ADGRF5: variants seen among roughly 807,000 people sequenced by gnomAD.
ADGRF5 encodes G-protein coupled receptor 116.
Under a neutral mutation model 132.3 loss-of-function variants are expected in ADGRF5, and 75 were observed. The observed-to-expected ratio is 0.57, with a 90% confidence interval of 0.47 to 0.69. The LOEUF (loss-of-function observed/expected upper bound fraction) is 0.69. Ranked by LOEUF, ADGRF5 falls within the 30% of genes least tolerant of loss-of-function variation. ADGRF5 has a pLI of 0.00. For missense variants in ADGRF5, 1,516 were observed against 1,630.6 expected (o/e 0.93, Z 1.21); for synonymous variants, 629 against 597.6 (o/e 1.05, Z -0.77).
rs1768716402 is a variant in ADGRF5 at position 46,853,600 on chromosome 6, GA to G, written c.*391del. ...TCCTTTCTTCCTTCCTTCCTTCTTA[GA>G]ATTCACTGAAGTATTTCCTAGGTAG... is the stretch of plus-strand genomic sequence containing the variant. On this transcript the variant is annotated 3_prime_UTR_variant, in exon 21 of 21. Transcript: ENST00000283296. The G allele has an allele frequency of 6.7e-6, 1 of 149,436 alleles. No individual in the cohort carries two copies. The highest frequency in any genetic ancestry group is 2.5e-5 in the African/African-American group (1 of 40,176). 9.3% of individuals were successfully genotyped at this position (149,436 alleles called of 1,614,324 possible). A position where few individuals can be genotyped will look rare whatever the true frequency, so the allele number is the denominator to read the frequency against.
In ADGRF5 at chr6:46,858,389, G is replaced by C; in HGVS notation, c.3514C>G (p.Leu1172Val). Residue 1172 changes from leucine (L) to valine (V), a missense_variant, in exon 17 of 21, where the codon CTG becomes GTG. By Grantham distance (32) the Leu-to-Val change is conservative. This residue lies in a region of ADGRF5 where 571 missense variants were observed against 701.2 expected (regional missense o/e 0.81). Transcript: ENST00000283296. The part of the protein sequence containing the change: ...CWLNWEDTKA[L>V]LAFAIPALII... ...AGTGCTGGGATGGCGAAAGCCAGCAGGGCCTTGGTGTCCTCCCAGTTGAGC... is the reference window on the plus strand; with the variant it reads ...AGTGCTGGGATGGCGAAAGCCAGCACGGCCTTGGTGTCCTCCCAGTTGAGC... The C allele has an allele frequency of 6.2e-7, 1 of 1,613,968 alleles. No homozygotes were observed. Among genetic ancestry groups the C allele is most frequent in the South Asian group, 1.1e-5 (1 of 91,064 alleles).
rs141473269 is a variant in ADGRF5 at position 46,907,528 on chromosome 6, C to G, written c.-24-742G>C. Among the ~76,000 whole-genome samples the G allele has an allele frequency of 7.8e-4, 118 of 152,050 alleles. 2 individuals carry two copies. The highest frequency in any genetic ancestry group is 1.3e-3 in the Non-Finnish European group (86 of 67,978). On this transcript the variant is annotated intron_variant, in intron 1 of 20. Transcript: ENST00000283296. ...CCTTATGTGTTGATTTTTTAAAATT[C>G]ATTTTATAATGCTGATGATGAAAAT...
intron 1 of ADGRF5, among the ~76,000 whole-genome samples, chr6:46,911,061 T>C (rs1166432073): frequency 6.6e-6 from 1 of 152,222 alleles, no homozygotes; most frequent in Non-Finnish European, 1.5e-5. Context: ...AGTCTAGGCC[T>C]TCTCTGCCCC....
intron 3 of ADGRF5, among the ~76,000 whole-genome samples, chr6:46,893,556 C>T (rs990888597): frequency 3.9e-5 from 6 of 152,126 alleles, no homozygotes; most frequent in African/African-American, 9.7e-5. Context: ...GACTTCAGAG[C>T]CTGTAAAGTA....
At chr6:46,868,036 C>T (rs1461939706) in intron 12 of ADGRF5, among the ~76,000 whole-genome samples, 1 of 152,152 alleles carries the variant, frequency 6.6e-6, no homozygotes, top group Non-Finnish European at 1.5e-5. Flanking sequence ...AAGTCCAGCC[C>T]AAACAATAAC....
chr6:46,938,346 C>A (rs1203391731), intron 1 of ADGRF5, among the ~76,000 whole-genome samples: 2 of 152,186 alleles, frequency 1.3e-5, no homozygotes, highest in Non-Finnish European at 2.9e-5. Context: ...TCTTCTAACC[C>A]TTGATAAACA....
At chr6:46,889,843 G>T (rs1009194709) in intron 3 of ADGRF5, among the ~76,000 whole-genome samples, 1 of 150,080 alleles carries the variant, frequency 6.7e-6, no homozygotes, top group Non-Finnish European at 1.5e-5. Flanking sequence ...ACAGTTTTAA[G>T]CTTCCCAAGA....
chr6:46,933,439 T>A (rs1046207054), intron 1 of ADGRF5, among the ~76,000 whole-genome samples: 38 of 152,212 alleles, frequency 2.5e-4, no homozygotes, highest in African/African-American at 9.2e-4. Flanking sequence ...CAGGTCCAAG[T>A]TGTGGATATG....
intron 5 of ADGRF5, 78 bp downstream of exon 5, chr6:46,884,017 C>T: frequency 8.7e-7 from 1 of 1,153,320 alleles, no homozygotes; most frequent in Non-Finnish European, 1.3e-6. Flanking sequence ...GCTGGGATTA[C>T]AGGCATGAGC....
chr6:46,883,469 C>T, intron 6 of ADGRF5, 90 bp downstream of exon 6: 1 of 687,662 alleles, frequency 1.5e-6, no homozygotes, highest in South Asian at 1.8e-5. Flanking sequence ...TAAATTCTGA[C>T]AGATCCAAGC....
At chr6:46,877,326 T>TTTCC (rs1562175501) in intron 10 of ADGRF5, among the ~76,000 whole-genome samples, 1,276 of 98,390 alleles carry the variant, frequency 0.013, 34 homozygotes, top group Middle Eastern at 0.021. Flanking sequence ...TCCTTCCTTC[T>TTTCC]TTCTTTCTTT....
rs375764569 is a variant in ADGRF5 at position 46,853,965 on chromosome 6, G to A, written c.*27C>T. The A allele has an allele frequency of 3.7e-5, 55 of 1,479,452 alleles. No individual in the cohort carries two copies. The African/African-American group carries it at 6.1e-4, about 16-fold the overall frequency. 91.6% of individuals were successfully genotyped at this position (1,479,452 alleles called of 1,614,324 possible). A position where few individuals can be genotyped will look rare whatever the true frequency, so the allele number is the denominator to read the frequency against. ...AAAAGCACAGCCACTGTCCCCGGGA[G>A]GTCACGTAGGTTGGATTATCCTGTT... On this transcript the variant is annotated 3_prime_UTR_variant, in exon 21 of 21. Coordinates refer to ENST00000283296, the MANE Select transcript of ADGRF5 (RefSeq NM_001098518.2).
At chr6:46,856,159 G>T (rs1038885969) in intron 19 of ADGRF5, 101 bp from the exon 20 acceptor site, 8 of 689,136 alleles carry the variant, frequency 1.2e-5, no homozygotes, top group Non-Finnish European at 2.1e-5. Flanking sequence ...AGTGGTCACT[G>T]CCGGAATCTC....
At chr6:46,936,140 T>A (rs1777812417) in intron 1 of ADGRF5, among the ~76,000 whole-genome samples, 1 of 152,166 alleles carries the variant, frequency 6.6e-6, no homozygotes, top group South Asian at 2.1e-4. Context: ...CAACACTGCA[T>A]TCTCTCCTCA....
At chr6:46,951,848 CAATGTTA>C (rs1778512684) in intron 1 of ADGRF5, among the ~76,000 whole-genome samples, 1 of 152,132 alleles carries the variant, frequency 6.6e-6, no homozygotes, top group Non-Finnish European at 1.5e-5. Flanking sequence ...TACCAAAGCA[CAATGTTA>C]ATGTCAATGG....
Position 46,880,016 on chromosome 6 carries a change from G to T in ADGRF5, c.838C>A (p.Pro280Thr). Residue 280 changes from proline (P) to threonine (T), a missense_variant, in exon 9 of 21, where the codon CCA becomes ACA. Coordinates refer to ENST00000283296, the MANE Select transcript of ADGRF5 (RefSeq NM_001098518.2). The stretch of plus-strand genomic sequence containing the variant: ...GTGTCCCCTTCAAAGATGATTTCTG[G>T]TGTGACAAAGAAATTGCTTTCATCT... Reference protein sequence around the residue: ...TINESNFFVTPEIIFEGDTVS... With the variant: ...TINESNFFVTTEIIFEGDTVS... The T allele has an allele frequency of 3.1e-6, 5 of 1,613,904 alleles. No homozygotes were observed. The highest frequency in any genetic ancestry group is 4.2e-6 in the Non-Finnish European group (5 of 1,179,784).
At chr6:46,945,452 A>G (rs971473008) in intron 1 of ADGRF5, among the ~76,000 whole-genome samples, 2 of 152,204 alleles carry the variant, frequency 1.3e-5, no homozygotes, top group African/African-American at 4.8e-5. Context: ...AATACTGATT[A>G]AAAACCTAAT....
At chr6:46,941,642 G>C (rs1377235997) in intron 1 of ADGRF5, among the ~76,000 whole-genome samples, 1 of 151,672 alleles carries the variant, frequency 6.6e-6, no homozygotes, top group African/African-American at 2.4e-5. Flanking sequence ...CACTGAGATA[G>C]AGCATGGTTT....
At chr6:46,953,078 G>C (rs1778562181) in intron 1 of ADGRF5, among the ~76,000 whole-genome samples, 1 of 152,170 alleles carries the variant, frequency 6.6e-6, no homozygotes, top group South Asian at 2.1e-4. Flanking sequence ...TGCAAAGTCA[G>C]ATACTGAGAG....
Sources: allele counts gnomAD v4.1 joint callset (sites outside exome capture counted in the v4.1 genomes callset), GRCh38; gene constraint gnomAD v4.1.1; regional missense constraint gnomAD v4.1.1; transcripts MANE v1.5; gene names NCBI Gene and HGNC (gene_info 2026-07-23, HGNC 2026-07-21).